The following C6 variants were observed in gnomAD, a reference collection of about 807,000 sequenced individuals.
C6 encodes the protein complement C6.
A neutral mutation model predicts 112.9 loss-of-function variants in C6; 101 were observed. The observed-to-expected ratio is 0.89, with a 90% CI of 0.76 to 1.06. The LOEUF (loss-of-function observed/expected upper bound fraction) is 1.06, where lower values mean the gene tolerates loss of function less well. Among genes scored for constraint, C6 ranks in the 50% least tolerant of loss-of-function variants. C6 has a pLI of 0.00. For synonymous variants in C6, 431 were observed against 384.1 expected (o/e 1.12, Z -1.43); for missense variants, 1,202 against 1,104.6 (o/e 1.09, Z -1.25).
chr5:41,166,806 T>G (rs962333931), intron 9 of C6, among the ~76,000 whole-genome samples: 1 of 150,226 alleles, frequency 6.7e-6, no homozygotes, highest in Non-Finnish European at 1.5e-5. Context: ...AAATTTCAAT[T>G]TTGAAATTTT....
chr5:41,149,116 G>T, intron 17 of C6, 125 bp downstream of exon 17: 1 of 1,229,510 alleles, frequency 8.1e-7, no homozygotes, highest in Non-Finnish European at 1.2e-6. Flanking sequence ...ATCATTTTAT[G>T]AATTTTTTTT....
In C6 at chr5:41,206,785, G is replaced by A. The variant is rs191776407; in HGVS notation, c.-20-3535C>T. Reference sequence around the variant, plus strand: ...TGAAAGTGACAGGGCGAGTGGAACCGAGTTGGAAAACACTCTGCAGGATAT... The same window carrying A: ...TGAAAGTGACAGGGCGAGTGGAACCAAGTTGGAAAACACTCTGCAGGATAT... On this transcript the variant is annotated intron_variant, in intron 1 of 17. Transcript: ENST00000337836. Among the ~76,000 whole-genome samples, 182 of 152,212 alleles carry A rather than the reference G, an allele frequency of 1.2e-3. 2 individuals are homozygous for A. The South Asian group carries it at 0.03, about 25-fold the overall frequency.
At chr5:41,163,725 T>C (rs903878308) in intron 9 of C6, among the ~76,000 whole-genome samples, 9 of 152,238 alleles carry the variant, frequency 5.9e-5, no homozygotes, top group Admixed American at 3.9e-4. Flanking sequence ...CATATTTTAA[T>C]GCACATTTTT....
At chr5:41,227,235 G>A (rs1267228699) in intron 1 of C6, among the ~76,000 whole-genome samples, 2 of 151,866 alleles carry the variant, frequency 1.3e-5, no homozygotes, top group Non-Finnish European at 2.9e-5. Context: ...TCAAATTCCT[G>A]TTGGTCATTT....
At chr5:41,249,894 G>A (rs1178095250) in intron 1 of C6, among the ~76,000 whole-genome samples, 22 of 152,228 alleles carry the variant, frequency 1.4e-4, no homozygotes, top group African/African-American at 4.6e-4. Context: ...GTGTTTCAGA[G>A]TCATGTTTAA....
At chr5:41,195,099 G>C (rs1750506113) in intron 5 of C6, among the ~76,000 whole-genome samples, 1 of 152,168 alleles carries the variant, frequency 6.6e-6, no homozygotes, top group Admixed American at 6.5e-5. Flanking sequence ...AGACTGGATG[G>C]TAATATAGGT....
At chr5:41,150,627 G>A (rs1746296488) in intron 15 of C6, among the ~76,000 whole-genome samples, 1 of 152,108 alleles carries the variant, frequency 6.6e-6, no homozygotes, top group African/African-American at 2.4e-5. Context: ...AGTGGCTCAC[G>A]CTTGTAATCC....
intron 1 of C6, among the ~76,000 whole-genome samples, chr5:41,206,664 G>A (rs1203841688): frequency 6.6e-6 from 1 of 152,144 alleles, no homozygotes; most frequent in Non-Finnish European, 1.5e-5. Context: ...AGTGAGAAGA[G>A]AAGTTTAGAG....
intron 1 of C6, among the ~76,000 whole-genome samples, chr5:41,211,625 A>G (rs1751936906): frequency 6.6e-6 from 1 of 151,956 alleles, no homozygotes; most frequent in South Asian, 2.1e-4. Flanking sequence ...AGACTAGAGA[A>G]GCCACTCCCC....
chr5:41,158,845 G>A, intron 12 of C6, 60 bp from the exon 13 acceptor site: 1 of 1,058,284 alleles, frequency 9.4e-7, no homozygotes, highest in Non-Finnish European at 1.5e-6. Context: ...TTACATGTGT[G>A]TATATGCTTA....
chr5:41,194,848 T>G (rs765719732), intron 5 of C6, among the ~76,000 whole-genome samples: 7 of 152,146 alleles, frequency 4.6e-5, no homozygotes, highest in Non-Finnish European at 8.8e-5. Flanking sequence ...AAACCCCCAG[T>G]GTGCTCATGA....
intron 12 of C6, 99 bp from the exon 13 acceptor site, chr5:41,158,884 A>G (rs41271071): frequency 0.017 from 16,543 of 961,198 alleles, 162 homozygotes; most frequent in Non-Finnish European, 0.022. Flanking sequence ...CATTGCATAC[A>G]TATATGTATT....
intron 1 of C6, among the ~76,000 whole-genome samples, chr5:41,256,835 G>A (rs937163839): frequency 3.9e-5 from 6 of 152,038 alleles, no homozygotes; most frequent in Non-Finnish European, 8.8e-5. Context: ...TTTACAAATG[G>A]GTAAAGGAAC....
chr5:41,247,792 A>T (rs886865734), intron 1 of C6, among the ~76,000 whole-genome samples: 5 of 152,152 alleles, frequency 3.3e-5, no homozygotes, highest in African/African-American at 1.2e-4. Flanking sequence ...TGTACAAGTG[A>T]AAACAAAATA....
At chr5:41,170,554 G>A (rs1176817401) in intron 9 of C6, among the ~76,000 whole-genome samples, 1 of 151,954 alleles carries the variant, frequency 6.6e-6, no homozygotes, top group Non-Finnish European at 1.5e-5. Flanking sequence ...TGCTTTGCAT[G>A]CTATATGCCT....
At position 41,254,225 on chromosome 5, in the gene C6, C is replaced by A. The variant is rs544459197; in HGVS notation, c.-21+6969G>T. 1.2e-4 allele frequency among the ~76,000 whole-genome samples: 18 copies of A among 152,194 alleles called. No homozygotes were observed. In the East Asian group the frequency reaches 3.5e-3, roughly 29 times the overall value. On this transcript the variant is annotated intron_variant, in intron 1 of 17. Coordinates refer to the C6 transcript ENST00000263413. ...GACCATCCTGGCTAACACGGTGAAACCCCATCTCTACTAAAAATACAAAAA... is the reference window on the plus strand; with the variant it reads ...GACCATCCTGGCTAACACGGTGAAAACCCATCTCTACTAAAAATACAAAAA...
At chr5:41,187,461 T>G (rs1749863626) in intron 5 of C6, among the ~76,000 whole-genome samples, 1 of 152,112 alleles carries the variant, frequency 6.6e-6, no homozygotes, top group South Asian at 2.1e-4. Flanking sequence ...AAGAAGCAGT[T>G]CACTATGGGA....
chr5:41,215,968 A>G (rs1020011755), upstream of C6, among the ~76,000 whole-genome samples: 3 of 152,098 alleles, frequency 2.0e-5, no homozygotes, highest in African/African-American at 7.2e-5. Flanking sequence ...TAATGACCCC[A>G]TCTATTTCAA....
chr5:41,216,896 C>T (rs892329281), upstream of C6, among the ~76,000 whole-genome samples: 1 of 152,062 alleles, frequency 6.6e-6, no homozygotes, highest in African/African-American at 2.4e-5. Flanking sequence ...AAGGAAACCA[C>T]GAAATTAGCT....
Sources: gnomAD v4.1 joint callset for allele counts (sites outside exome capture counted in the v4.1 genomes callset) on GRCh38, gnomAD v4.1.1 for gene constraint, MANE v1.5 for transcripts, NCBI Gene and HGNC (gene_info 2026-07-23, HGNC 2026-07-21) for gene names.